Variants in GLIPR1L1 observed in about 807,000 individuals in gnomAD.
GLIPR1L1 encodes the protein GLIPR1 like 1, also known as GLIPR1-like protein 1.
In GLIPR1L1, 26 loss-of-function variants were observed where a neutral mutation model predicts 29.9. The ratio of observed to expected loss-of-function variants is 0.87; its 90% CI spans 0.64 to 1.21. The LOEUF is 1.21. GLIPR1L1 is among the 50% of genes most tolerant of loss of function. GLIPR1L1 has a pLI of 0.00. For missense variants in GLIPR1L1, 305 were observed against 290.3 expected (o/e 1.05, Z -0.37); for synonymous variants, 77 against 97.5 (o/e 0.79, Z 1.24).
Position 75,344,900 on chromosome 12 carries a change from T to A in GLIPR1L1, c.420+962T>A, listed in dbSNP as rs1028954015. ...GCAAGATTCTTCTGCACACTCTAAC[T>A]AATACCCTGAGAATTATGAAGTTGT... On this transcript the variant is annotated intron_variant, in intron 2 of 5. Coordinates refer to ENST00000378695, the MANE Select transcript of GLIPR1L1 (RefSeq NM_001304964.2). Among the ~76,000 whole-genome samples, 4 of 152,256 alleles carry A rather than the reference T, an allele frequency of 2.6e-5. No homozygotes were observed. The East Asian group carries it at 7.7e-4, about 29-fold the overall frequency.
chr12:75,355,075 C>T (rs894852676), intron 3 of GLIPR1L1, among the ~76,000 whole-genome samples: 13 of 151,912 alleles, frequency 8.6e-5, no homozygotes, highest in African/African-American at 2.4e-4. Context: ...CATGGGCAAA[C>T]GTTTCAAGAC....
At chr12:75,342,926 C>A (rs895504270) in intron 1 of GLIPR1L1, among the ~76,000 whole-genome samples, 1 of 151,472 alleles carries the variant, frequency 6.6e-6, no homozygotes, top group Non-Finnish European at 1.5e-5. Flanking sequence ...GAATGTTTTG[C>A]AGCTATTCAT....
rs770296230 is a variant in GLIPR1L1, at chr12:75,363,200, AAT to A, written c.610+22_610+23del. 4.1e-4 allele frequency: 495 copies of A among 1,222,100 alleles called. No homozygotes were observed. The highest frequency in any genetic ancestry group is 5.7e-4 in the Middle Eastern group (2 of 3,526). 75.7% of individuals were successfully genotyped at this position (1,222,100 alleles called of 1,614,324 possible). A position where few individuals can be genotyped will look rare whatever the true frequency, so the allele number is the denominator to read the frequency against. ...GTAAAGAACCTCTGCAGTAAGCAAA[AAT>A]ATATATATATAATTACATTTAGAGA... On this transcript the variant is annotated intron_variant, in intron 4 of 5. Coordinates refer to ENST00000378695, the MANE Select transcript of GLIPR1L1 (RefSeq NM_001304964.2).
At chr12:75,356,021 C>G (rs768084509) in intron 3 of GLIPR1L1, among the ~76,000 whole-genome samples, 1 of 152,038 alleles carries the variant, frequency 6.6e-6, no homozygotes, top group Non-Finnish European at 1.5e-5. Flanking sequence ...AAATAGCTAA[C>G]GCATGCTGGG....
At chr12:75,361,601 G>A (rs746695942) in intron 3 of GLIPR1L1, among the ~76,000 whole-genome samples, 31 of 152,198 alleles carry the variant, frequency 2.0e-4, no homozygotes, top group African/African-American at 4.8e-5. Context: ...GGTTCCACGT[G>A]ACTGGGGAGG....
At chr12:75,366,798 T>C in intron 4 of GLIPR1L1, 1 of 694,192 alleles carries the variant, frequency 1.4e-6, no homozygotes, top group Non-Finnish European at 2.6e-6. Context: ...TTCAGAGGTC[T>C]ATCACCTCTG....
intron 3 of GLIPR1L1, among the ~76,000 whole-genome samples, chr12:75,356,868 A>G (rs1593780858): frequency 6.6e-6 from 1 of 152,176 alleles, no homozygotes; most frequent in Admixed American, 6.6e-5. Flanking sequence ...AGAATGGAAA[A>G]AAGTTTACCA....
chr12:75,350,471 G>T (rs371447344), intron 3 of GLIPR1L1, among the ~76,000 whole-genome samples: 31 of 152,162 alleles, frequency 2.0e-4, no homozygotes, highest in African/African-American at 7.5e-4. Flanking sequence ...TGCCCCTCTG[G>T]GACAGAATGC....
chr12:75,367,517 C>T (rs1355581019), intron 4 of GLIPR1L1, among the ~76,000 whole-genome samples: 1 of 54,222 alleles, frequency 1.8e-5, no homozygotes, highest in East Asian at 7.9e-4. Context: ...ATCTCCACGT[C>T]GTGTACCACA....
rs77458364 is a variant in GLIPR1L1 at position 75,370,507 on chromosome 12, A to G, written c.*331A>G. The G allele has an allele frequency of 0.037, 6,432 of 171,656 alleles. 141 individuals are homozygous for G. Among genetic ancestry groups the G allele is most frequent in the East Asian group, 0.051 (341 of 6,690 alleles). The allele number at this position is 171,656 out of a possible 1,614,324, so 10.6% of individuals were successfully genotyped here. ...TTTTCACATATCAAATAGTTTCCTT[A>G]GATACCAATAGTTTCCTTTATGAAT... On this transcript the variant is annotated 3_prime_UTR_variant, in exon 6 of 6. Coordinates refer to ENST00000378695, the MANE Select transcript of GLIPR1L1 (RefSeq NM_001304964.2).
Position 75,334,735 on chromosome 12 carries a change from C to T in GLIPR1L1, c.7C>T (p.Leu3=), listed in dbSNP as rs1039267045. 3.1e-6 allele frequency: 5 copies of T among 1,613,430 alleles called. No homozygotes were observed. Among genetic ancestry groups the T allele is most frequent in the Non-Finnish European group, 4.2e-6 (5 of 1,179,608 alleles). The change falls in exon 1 of 6, where the codon CTG becomes TTG. Residue 3 remains leucine, a synonymous_variant. Coordinates refer to ENST00000378695, the MANE Select transcript of GLIPR1L1 (RefSeq NM_001304964.2). MA[L]KNKFSCLWIL... is the part of the protein sequence containing the mutation. ...GCATCCTCCACATCCTTCCATGGCT[C>T]TGAAGAATAAATTCAGTTGTTTATG...
In GLIPR1L1 at chr12:75,352,518, C is replaced by G. The variant is rs143120646; in HGVS notation, c.521+4796C>G. On this transcript the variant is annotated intron_variant, in intron 3 of 5. Transcript: ENST00000378695. ...ATTCATAAAACAAGTTCTTAGAGAC[C>G]TACAAAGTGACTTAGACTCCCACAC... is the stretch of plus-strand genomic sequence containing the variant. Among the ~76,000 whole-genome samples, 670 of 152,268 alleles carry G rather than the reference C, an allele frequency of 4.4e-3. 4 individuals carry two copies. Among genetic ancestry groups the G allele is most frequent in the African/African-American group, 0.011 (450 of 41,548 alleles).
intron 2 of GLIPR1L1, among the ~76,000 whole-genome samples, chr12:75,347,171 G>T (rs1350778026): frequency 6.6e-6 from 1 of 151,840 alleles, no homozygotes; most frequent in Non-Finnish European, 1.5e-5. Context: ...CTTGACAAAG[G>T]TAAGAATATG....
At chr12:75,348,051 T>C (rs2042571426) in intron 3 of GLIPR1L1, among the ~76,000 whole-genome samples, 1 of 152,076 alleles carries the variant, frequency 6.6e-6, no homozygotes, top group Non-Finnish European at 1.5e-5. Flanking sequence ...TTCTCTAATA[T>C]AATATAAAAT....
chr12:75,345,346 A>G (rs1011770707), intron 2 of GLIPR1L1, among the ~76,000 whole-genome samples: 3 of 152,048 alleles, frequency 2.0e-5, no homozygotes, highest in African/African-American at 7.2e-5. Context: ...AATTTTCTCA[A>G]TTTTTAAAAT....
At chr12:75,343,118 T>G (rs961794544) in intron 1 of GLIPR1L1, among the ~76,000 whole-genome samples, 1 of 152,014 alleles carries the variant, frequency 6.6e-6, no homozygotes, top group Non-Finnish European at 1.5e-5. Flanking sequence ...TTTTGTCTTA[T>G]GTATTTACAA....
At position 75,335,047 on chromosome 12, in the gene GLIPR1L1, G is replaced by C. The variant is rs1251893384; in HGVS notation, c.174+145G>C. On this transcript the variant is annotated intron_variant, in intron 1 of 5. Coordinates refer to ENST00000378695, the MANE Select transcript of GLIPR1L1 (RefSeq NM_001304964.2). ...AAAGAAAAAAATTCACACCTTGGTTGGGCTGTCTCCTCCAGAGTCATAGGA... is the reference window on the plus strand; with the variant it reads ...AAAGAAAAAAATTCACACCTTGGTTCGGCTGTCTCCTCCAGAGTCATAGGA... The C allele has an allele frequency of 1.3e-5, 9 of 716,778 alleles. No individual in the cohort carries two copies. The East Asian group carries it at 2.4e-4, about 19-fold the overall frequency. The allele number at this position is 716,778 out of a possible 1,614,324, so 44.4% of individuals were successfully genotyped here.
intron 1 of GLIPR1L1, among the ~76,000 whole-genome samples, chr12:75,340,660 G>C (rs1235169467): frequency 6.6e-6 from 1 of 150,448 alleles, no homozygotes; most frequent in African/African-American, 2.4e-5. Flanking sequence ...TACAAACTAG[G>C]AGAAAATATA....
At chr12:75,366,452 T>C (rs1340106661) in intron 4 of GLIPR1L1, among the ~76,000 whole-genome samples, 2 of 152,146 alleles carry the variant, frequency 1.3e-5, no homozygotes, top group African/African-American at 2.4e-5. Flanking sequence ...TTTTCTTTGA[T>C]GTAATTTGCC....
Sources: allele counts gnomAD v4.1 joint callset (sites outside exome capture counted in the v4.1 genomes callset), GRCh38; gene constraint gnomAD v4.1.1; transcripts MANE v1.5; gene names NCBI Gene and HGNC (gene_info 2026-07-23, HGNC 2026-07-21).